Variants in ADCK2 observed in about 807,000 individuals in gnomAD.
ADCK2 encodes uncharacterized aarF domain-containing protein kinase 2.
Under a neutral mutation model 52.3 loss-of-function variants are expected in ADCK2, and 37 were observed. That is an observed-to-expected ratio of 0.71 (90% CI 0.54 to 0.93). The LOEUF (loss-of-function observed/expected upper bound fraction) is 0.93. ADCK2 is among the 40% of genes least tolerant of loss of function. The pLI is 0.00. For missense variants in ADCK2, 695 were observed against 798.7 expected (o/e 0.87, Z 1.56); for synonymous variants, 321 against 349.2 (o/e 0.92, Z 0.90).
chr7:140,686,337 G>A (rs527489144), intron 4 of ADCK2, among the ~76,000 whole-genome samples: 2 of 152,306 alleles, frequency 1.3e-5, no homozygotes, highest in South Asian at 2.1e-4. Flanking sequence ...CTGGAGTGCA[G>A]TGGCACGATC....
At chr7:140,675,397 G>A (rs1021754839) in intron 2 of ADCK2, among the ~76,000 whole-genome samples, 1 of 152,074 alleles carries the variant, frequency 6.6e-6, no homozygotes, top group Non-Finnish European at 1.5e-5. Flanking sequence ...CTCCCTCCTC[G>A]GCCTTCCAAA....
Position 140,694,679 on chromosome 7 carries a change from A to G in ADCK2, c.1757A>G (p.Asn586Ser), listed in dbSNP as rs767264371. The G allele has an allele frequency of 5.0e-6, 8 of 1,613,996 alleles. No individual in the cohort carries two copies. The highest frequency in any genetic ancestry group is 6.8e-6 in the Non-Finnish European group (8 of 1,179,912). Residue 586 changes from asparagine (N) to serine (S), a missense_variant, in exon 8 of 8, where the codon AAC becomes AGC. Physicochemically the swap from Asn to Ser is conservative, Grantham distance 46. Transcript: ENST00000072869. ...LMTHKVKLES[N>S]FASIVFAIMV... ...CTGTTCCAGGTAAAGCTTGAGAGCA[A>G]CTTTGCCTCCATTGTGTTTGCCATC...
At chr7:140,688,192 T>C (rs1333667602) in intron 5 of ADCK2, among the ~76,000 whole-genome samples, 1 of 152,062 alleles carries the variant, frequency 6.6e-6, no homozygotes, top group Admixed American at 6.6e-5. Flanking sequence ...TACAGGCACA[T>C]GCCACCATGC....
rs148381137 is a variant in ADCK2, at chr7:140,673,744, C to G, written c.414C>G (p.Thr138=). The G allele has an allele frequency of 7.4e-5, 120 of 1,613,018 alleles. No individual in the cohort carries two copies. Among genetic ancestry groups the G allele is most frequent in the Non-Finnish European group, 9.7e-5 (115 of 1,179,988 alleles). Residue 138 remains threonine (T), a synonymous_variant, in exon 1 of 8, where the codon ACC becomes ACG. Coordinates refer to ENST00000072869, the MANE Select transcript of ADCK2 (RefSeq NM_052853.4). This position sits in a 1 kb window ranked among gnomAD's most constrained non-coding sequence, Gnocchi z 6.4. ...TLWLHLLLKA[T]ETSGPTYIKL... is the part of the protein sequence containing the mutation. ...GGCTCCACCTGCTTCTGAAAGCCAC[C>G]GAGACCTCAGGCCCAACCTACATCA...
chr7:140,692,385 T>C (rs1435174350), intron 7 of ADCK2, among the ~76,000 whole-genome samples: 1 of 152,198 alleles, frequency 6.6e-6, no homozygotes, highest in Non-Finnish European at 1.5e-5. Flanking sequence ...TGAGACAGGG[T>C]CTCACTGTGT....
Position 140,674,121 on chromosome 7 carries a change from C to T in ADCK2, c.791C>T (p.Pro264Leu), listed in dbSNP as rs139708297. 1 of 1,613,984 alleles carries T rather than the reference C, an allele frequency of 6.2e-7. No homozygotes were observed. Among genetic ancestry groups the T allele is most frequent in the Non-Finnish European group, 8.5e-7 (1 of 1,180,032 alleles). The change falls in exon 1 of 8, where the codon CCA becomes CTA. Residue 264 changes from proline (P) to leucine (L), a missense_variant. Coordinates refer to ENST00000072869, the MANE Select transcript of ADCK2 (RefSeq NM_052853.4). The surrounding 1 kb of genome is among the most constrained non-coding windows in gnomAD (Gnocchi z 4.6). ...TACCTTGGAAATGGCCGGAAACCTC[C>T]AGAAAATCTCGCAGACCAGTCGTTT... ...FGYLGNGRKP[P>L]ENLADQSFLE...
chr7:140,694,372 T>A (rs1794760035), intron 7 of ADCK2, among the ~76,000 whole-genome samples: 1 of 152,210 alleles, frequency 6.6e-6, no homozygotes, highest in Non-Finnish European at 1.5e-5. Flanking sequence ...TTCTGGGATG[T>A]GTGTGAAAGA....
Position 140,679,243 on chromosome 7 carries a change from G to A in ADCK2, c.1169G>A (p.Arg390His), listed in dbSNP as rs74761630. ...GCCGTCAAGTTCCCCACCCCTCTGCGCCCCTTTGTCACCAGAGAAGTCTTG... is the reference window on the plus strand; with the variant it reads ...GCCGTCAAGTTCCCCACCCCTCTGCACCCCTTTGTCACCAGAGAAGTCTTG... ...VKAVKFPTPLRPFVTREVLVE... is the reference protein window; with the variant it reads ...VKAVKFPTPLHPFVTREVLVE... Residue 390 changes from arginine (R) to histidine (H), a missense_variant, in exon 3 of 8, where the codon CGC becomes CAC. By Grantham distance (29) the Arg-to-His change is conservative (BLOSUM62 0). Coordinates refer to ENST00000072869, the MANE Select transcript of ADCK2 (RefSeq NM_052853.4). 224 of 1,613,650 alleles carry A rather than the reference G, an allele frequency of 1.4e-4. No homozygotes were observed. In the African/African-American group the frequency reaches 2.4e-3, roughly 17 times the overall value.
chr7:140,694,777 C>G lies in ADCK2; in HGVS notation c.1855C>G (p.Leu619Val). 1.9e-6 allele frequency: 3 copies of G among 1,613,818 alleles called. No individual in the cohort carries two copies. Among genetic ancestry groups the G allele is most frequent in the Non-Finnish European group, 2.5e-6 (3 of 1,179,846 alleles). ...DILEAARPFL[L>V]TGPVCPP ...CCTGGAGGCAGCGAGGCCCTTCCTC[C>G]TCACGGGCCCAGTGTGCCCCCCGTG... The change falls in exon 8 of 8, where the codon CTC becomes GTC. Residue 619 changes from leucine (L) to valine (V), a missense_variant. Leu to Val is a conservative substitution (Grantham distance 32). Coordinates refer to ENST00000072869, the MANE Select transcript of ADCK2 (RefSeq NM_052853.4).
Position 140,687,129 on chromosome 7 carries a change from C to T in ADCK2, c.1445C>T (p.Ser482Phe). 4 of 1,613,748 alleles carry T rather than the reference C, an allele frequency of 2.5e-6. No individual in the cohort carries two copies. In the South Asian group the frequency reaches 3.3e-5, roughly 13 times the overall value. The change falls in exon 5 of 8, where the codon TCT (serine) becomes TTT (phenylalanine). Residue 482 changes from serine (S) to phenylalanine (F), a missense_variant. Coordinates refer to ENST00000072869, the MANE Select transcript of ADCK2 (RefSeq NM_052853.4). The part of the protein sequence containing the change: ...ICDTLVVAVP[S>F]SLCPLRLVLL... ...GACACTCTGGTGGTGGCCGTGCCAT[C>T]TTCCCTCTGCCCGCTGCGACTGGTG...
In ADCK2 at chr7:140,694,781, C is replaced by T. The variant is rs1411475502; in HGVS notation, c.1859C>T (p.Thr620Met). The T allele has an allele frequency of 8.1e-6, 13 of 1,613,470 alleles. No homozygotes were observed. Among genetic ancestry groups the T allele is most frequent in the African/African-American group, 2.7e-5 (2 of 74,918 alleles). ...GAGGCAGCGAGGCCCTTCCTCCTCA[C>T]GGGCCCAGTGTGCCCCCCGTGATGG... ...ILEAARPFLL[T>M]GPVCPP Residue 620 changes from threonine to methionine, a missense_variant, in exon 8 of 8, where the codon ACG (threonine) becomes ATG (methionine). Thr to Met is a moderately conservative substitution (Grantham distance 81). Transcript: ENST00000072869.
intron 6 of ADCK2, 40 bp from the exon 7 acceptor site, chr7:140,690,720 G>T: frequency 6.2e-7 from 1 of 1,604,126 alleles, no homozygotes; most frequent in Non-Finnish European, 8.5e-7. Context: ...GGTTCTGGAA[G>T]GCTCGGTGGT....
intron 7 of ADCK2, among the ~76,000 whole-genome samples, chr7:140,691,118 A>T (rs922693843): frequency 2.0e-5 from 3 of 150,934 alleles, no homozygotes; most frequent in African/African-American, 7.3e-5. Context: ...TAGAGACGGG[A>T]TTTCACCATG....
intron 4 of ADCK2, among the ~76,000 whole-genome samples, chr7:140,684,854 C>T (rs916487290): frequency 5.3e-5 from 8 of 152,084 alleles, no homozygotes; most frequent in African/African-American, 1.7e-4. Flanking sequence ...TGTTGAGGCA[C>T]ACCTAGGTTT....
At chr7:140,686,915 T>C in intron 4 of ADCK2, 75 bp from the exon 5 acceptor site, 3 of 1,568,492 alleles carry the variant, frequency 1.9e-6, no homozygotes, top group Non-Finnish European at 2.6e-6. Flanking sequence ...TATTGTCACC[T>C]GGCAACTTTC....
intron 7 of ADCK2, among the ~76,000 whole-genome samples, chr7:140,692,543 G>T (rs190107989): frequency 1.2e-3 from 181 of 152,332 alleles, no homozygotes; most frequent in African/African-American, 3.7e-3. Flanking sequence ...TTTTTAGTAA[G>T]AGATAGGGTT....
Position 140,694,762 on chromosome 7 carries a change from GC to G in ADCK2, c.1841del (p.Ala614GlyfsTer50). On this transcript the variant is annotated frameshift_variant, in exon 8 of 8. Coordinates refer to ENST00000072869, the MANE Select transcript of ADCK2 (RefSeq NM_052853.4). LOFTEE classifies it high-confidence loss of function. ...CCCCAAACTGGACATCCTGGAGGCA[GC>G]GAGGCCCTTCCTCCTCACGGGCCCA... ...LDPKLDILEA[A>X]RPFLLTGPVC... 6.2e-7 allele frequency: 1 copy of G among 1,614,006 alleles called. No homozygotes were observed. Among genetic ancestry groups the G allele is most frequent in the Non-Finnish European group, 8.5e-7 (1 of 1,179,934 alleles).
Position 140,674,593 on chromosome 7 carries a change from G to C in ADCK2, c.934-18G>C, listed in dbSNP as rs746487302. On this transcript the variant is annotated intron_variant, in intron 1 of 7. Transcript: ENST00000072869. This position sits in a 1 kb window ranked among gnomAD's most constrained non-coding sequence, Gnocchi z 4.6. Reference sequence around the variant, plus strand: ...GTCCAGCAGGTTTCTCCTGTCTCACGGTTCCTCTTTCTGACAGGTGTTGCA... The same window carrying C: ...GTCCAGCAGGTTTCTCCTGTCTCACCGTTCCTCTTTCTGACAGGTGTTGCA... The C allele has an allele frequency of 1.2e-6, 2 of 1,601,422 alleles. No individual in the cohort carries two copies. The highest frequency in any genetic ancestry group is 2.2e-5 in the South Asian group (2 of 90,640).
rs1794463701 is a variant in ADCK2, at chr7:140,678,632, A to G, written c.1081-523A>G. On this transcript the variant is annotated intron_variant, in intron 2 of 7. Transcript: ENST00000072869. The surrounding 1 kb of genome is among the most constrained non-coding windows in gnomAD (Gnocchi z 4.9). The stretch of plus-strand genomic sequence containing the variant: ...AGGTCAGCAGCGGCACCAGCCCTGG[A>G]TGCCCACAGAGGTTGATGATAAACC... Among the ~76,000 whole-genome samples, 1 of 152,184 alleles carries G rather than the reference A, an allele frequency of 6.6e-6. No individual in the cohort carries two copies. Among genetic ancestry groups the G allele is most frequent in the Non-Finnish European group, 1.5e-5 (1 of 68,026 alleles).
Sources: allele counts gnomAD v4.1 joint callset (sites outside exome capture counted in the v4.1 genomes callset), GRCh38; gene constraint gnomAD v4.1.1; non-coding constraint Gnocchi (gnomAD v3.1); transcripts MANE v1.5; gene names NCBI Gene and HGNC (gene_info 2026-07-23, HGNC 2026-07-21).